CDH18: variants seen among roughly 807,000 people sequenced by gnomAD.
CDH18 encodes the protein cadherin-18.
Under a neutral mutation model 67.9 loss-of-function variants are expected in CDH18, and 31 were observed. The observed-to-expected ratio is 0.46, with a 90% CI of 0.34 to 0.62. The LOEUF (loss-of-function observed/expected upper bound fraction) is 0.62. CDH18 is among the 20% of genes least tolerant of loss of function. The probability of loss-of-function intolerance (pLI) is 0.01; values close to 1 mark genes in which losing one functional copy is unlikely to be tolerated. For synonymous variants in CDH18, 362 were observed against 347.2 expected (o/e 1.04, Z -0.48); for missense variants, 890 against 975.5 (o/e 0.91, Z 1.17).
chr5:20,082,130 C>T (rs1744531407), intron 2 of CDH18, among the ~76,000 whole-genome samples: 1 of 150,898 alleles, frequency 6.6e-6, no homozygotes, highest in Non-Finnish European at 1.5e-5. Flanking sequence ...CCAACCGATG[C>T]ATTCAAAAAA....
intron 1 of CDH18, among the ~76,000 whole-genome samples, chr5:20,456,023 A>G (rs983973707): frequency 2.6e-5 from 4 of 152,114 alleles, no homozygotes; most frequent in Admixed American, 2.0e-4. Context: ...GCTTTATTAT[A>G]TTTGGTTGCT....
rs779480094 is a variant in CDH18, at chr5:20,332,956, G to A, written c.-579-77451C>T. On this transcript the variant is annotated intron_variant, in intron 1 of 14. Transcript: ENST00000507958. ...GTTCACCTAATGTGCATAGCTTTGC[G>A]ATACAGGAGAAAGCCATAGCTTCCA... Among the ~76,000 whole-genome samples, 12 of 152,190 alleles carry A rather than the reference G, an allele frequency of 7.9e-5. No individual in the cohort carries two copies. The South Asian group carries it at 1.5e-3, about 18-fold the overall frequency.
chr5:19,648,077 C>T (rs1580689929), intron 5 of CDH18, among the ~76,000 whole-genome samples: 1 of 151,736 alleles, frequency 6.6e-6, no homozygotes, highest in Non-Finnish European at 1.5e-5. Flanking sequence ...ACAACCATAT[C>T]GAAGCATATT....
chr5:20,159,776 T>C (rs1751829695), intron 2 of CDH18, among the ~76,000 whole-genome samples: 1 of 152,156 alleles, frequency 6.6e-6, no homozygotes. Flanking sequence ...GGCAAGCTGC[T>C]TTATTATATT....
intron 5 of CDH18, among the ~76,000 whole-genome samples, chr5:19,670,711 T>A (rs992308415): frequency 5.9e-5 from 9 of 152,046 alleles, no homozygotes; most frequent in Non-Finnish European, 1.2e-4. Flanking sequence ...TAAGATGAAT[T>A]CAGGAGACCA....
At chr5:19,994,829 A>AATATATATATAT (rs1554078421) in intron 2 of CDH18, among the ~76,000 whole-genome samples, 1 of 21,018 alleles carries the variant, frequency 4.8e-5, no homozygotes, top group African/African-American at 2.2e-4. Context: ...ATATAAAGAG[A>AATATATATATAT]ATATATATAT....
chr5:19,905,403 CTTTAT>C (rs1790424230), intron 2 of CDH18, among the ~76,000 whole-genome samples: 1 of 151,846 alleles, frequency 6.6e-6, no homozygotes, highest in South Asian at 2.1e-4. Flanking sequence ...CTTGCAAATA[CTTTAT>C]TTTTATTAAT....
At chr5:19,759,860 G>A (rs1372106375) in intron 3 of CDH18, among the ~76,000 whole-genome samples, 1 of 152,090 alleles carries the variant, frequency 6.6e-6, no homozygotes, top group Non-Finnish European at 1.5e-5. Context: ...CACTCCAGGG[G>A]TTCTGGGTCT....
In CDH18 at chr5:20,371,660, G is replaced by A. The variant is rs867097276; in HGVS notation, c.-579-116155C>T. Among the ~76,000 whole-genome samples the A allele has an allele frequency of 2.6e-5, 4 of 152,316 alleles. No homozygotes were observed. The South Asian group carries it at 8.3e-4, about 32-fold the overall frequency. ...ATATCTTGTTTCTTTTAAGATGGGAGACATAAGAACGTTCACATGCTAATG... is the reference window on the plus strand; with the variant it reads ...ATATCTTGTTTCTTTTAAGATGGGAAACATAAGAACGTTCACATGCTAATG... On this transcript the variant is annotated intron_variant, in intron 1 of 14. Transcript: ENST00000507958.
intron 1 of CDH18, among the ~76,000 whole-genome samples, chr5:20,352,841 G>A (rs969165745): frequency 3.3e-5 from 5 of 151,736 alleles, no homozygotes; most frequent in African/African-American, 7.3e-5. Context: ...TTTCATTGAT[G>A]ACACTGATGT....
intron 5 of CDH18, among the ~76,000 whole-genome samples, chr5:19,713,792 A>T (rs883068): frequency 0.095 from 14,492 of 152,156 alleles, 1,290 homozygotes; most frequent in East Asian, 0.25. Context: ...CATTTAAATC[A>T]GTGTGAAAAA....
intron 2 of CDH18, among the ~76,000 whole-genome samples, chr5:20,166,329 T>C (rs1437952357): frequency 6.7e-6 from 1 of 150,370 alleles, no homozygotes; most frequent in Non-Finnish European, 1.5e-5. Context: ...TAATCTCAGC[T>C]GCTCGGGAGG....
At chr5:19,735,345 G>T (rs1360780072) in intron 4 of CDH18, among the ~76,000 whole-genome samples, 1 of 151,194 alleles carries the variant, frequency 6.6e-6, no homozygotes, top group East Asian at 1.9e-4. Flanking sequence ...AAAGACAATA[G>T]GAAACCACTC....
At position 19,958,379 on chromosome 5, in the gene CDH18, CAA is replaced by C. The variant is rs57913629; in HGVS notation, c.-257+22679_-257+22680del. Among the ~76,000 whole-genome samples, 58 of 66,638 alleles carry C rather than the reference CAA, an allele frequency of 8.7e-4. No homozygotes were observed. In the South Asian group the frequency reaches 0.031, roughly 35 times the overall value. The allele number at this position is 66,638 out of a possible 152,430, so 43.7% of individuals were successfully genotyped here. ...CTCAATAGGATGATCTTTCCTTCACCAAAAAAAAAAAAAAAAAAAAAGGAGAA... is the reference window on the plus strand; with the variant it reads ...CTCAATAGGATGATCTTTCCTTCACCAAAAAAAAAAAAAAAAAAAGGAGAA... On this transcript the variant is annotated intron_variant, in intron 2 of 12. Transcript: ENST00000382275.
intron 1 of CDH18, among the ~76,000 whole-genome samples, chr5:20,549,851 A>G (rs752730279): frequency 2.3e-4 from 35 of 152,332 alleles, no homozygotes; most frequent in Non-Finnish European, 4.6e-4. Flanking sequence ...CCACTCTAGC[A>G]TATTCACCAC....
intron 2 of CDH18, among the ~76,000 whole-genome samples, chr5:19,903,010 C>T (rs1253373287): frequency 6.6e-6 from 1 of 151,700 alleles, no homozygotes; most frequent in African/African-American, 2.4e-5. Flanking sequence ...TTAAAATATT[C>T]AAAATATAAA....
chr5:20,450,644 G>A (rs1750371046), intron 1 of CDH18, among the ~76,000 whole-genome samples: 1 of 152,100 alleles, frequency 6.6e-6, no homozygotes. Flanking sequence ...CTTCTTAGCT[G>A]TATTCTCCTG....
chr5:19,961,397 G>A (rs1314613577), intron 2 of CDH18, among the ~76,000 whole-genome samples: 3 of 151,902 alleles, frequency 2.0e-5, no homozygotes, highest in East Asian at 1.9e-4. Context: ...GTGAGCCACC[G>A]TGCCCAGCCA....
At position 20,155,099 on chromosome 5, in the gene CDH18, T is replaced by A. The variant is rs148325303; in HGVS notation, c.-518+100345A>T. Reference sequence around the variant, plus strand: ...TTACTTACTTTCTTTTTATATTTAATATAATTTGAATGCTATTTAAGGTTG... The same window carrying A: ...TTACTTACTTTCTTTTTATATTTAAAATAATTTGAATGCTATTTAAGGTTG... On this transcript the variant is annotated intron_variant, in intron 2 of 14. Coordinates refer to the CDH18 transcript ENST00000507958. Among the ~76,000 whole-genome samples, 489 of 152,298 alleles carry A rather than the reference T, an allele frequency of 3.2e-3. 3 individuals carry two copies. The highest frequency in any genetic ancestry group is 5.7e-3 in the Admixed American group (87 of 15,284).
Sources: gnomAD v4.1 joint callset for allele counts (sites outside exome capture counted in the v4.1 genomes callset) on GRCh38, gnomAD v4.1.1 for gene constraint, MANE v1.5 for transcripts, NCBI Gene and HGNC (gene_info 2026-07-23, HGNC 2026-07-21) for gene names.